The following TPD52L1 variants were observed in gnomAD, a reference collection of about 807,000 sequenced individuals.
The protein encoded by TPD52L1 is tumor protein D53.
A neutral mutation model predicts 28.7 loss-of-function variants in TPD52L1; 18 were observed. The observed-to-expected ratio is 0.63, with a 90% CI of 0.43 to 0.93. The LOEUF (loss-of-function observed/expected upper bound fraction) is 0.93, where lower values mean the gene tolerates loss of function less well. Ranked by LOEUF, TPD52L1 falls within the 40% of genes least tolerant of loss-of-function variation. The probability of loss-of-function intolerance (pLI) is 0.00; values close to 1 mark genes in which losing one functional copy is unlikely to be tolerated. For synonymous variants in TPD52L1, 75 were observed against 88.8 expected (o/e 0.84, Z 0.88); for missense variants, 203 against 254.8 (o/e 0.80, Z 1.39).
chr6:125,191,747 T>C (rs1218793120), intron 1 of TPD52L1, among the ~76,000 whole-genome samples: 1 of 152,218 alleles, frequency 6.6e-6, no homozygotes, highest in Non-Finnish European at 1.5e-5. Context: ...AACTGTGGAA[T>C]GTCTCCCTAT....
chr6:125,241,091 T>G (rs1796586164), intron 3 of TPD52L1, among the ~76,000 whole-genome samples: 1 of 152,154 alleles, frequency 6.6e-6, no homozygotes, highest in Non-Finnish European at 1.5e-5. Flanking sequence ...GATCATATGA[T>G]TTTTGTTTTT....
chr6:125,177,530 T>A (rs1357120665), intron 1 of TPD52L1, among the ~76,000 whole-genome samples: 5 of 152,302 alleles, frequency 3.3e-5, no homozygotes, highest in African/African-American at 1.2e-4. Context: ...TGAGCTAGTA[T>A]CTTATACATG....
At chr6:125,205,243 C>T (rs548977328) in intron 1 of TPD52L1, among the ~76,000 whole-genome samples, 1 of 152,300 alleles carries the variant, frequency 6.6e-6, no homozygotes, top group South Asian at 2.1e-4. Context: ...TATGATATGT[C>T]TCAAATATGC....
chr6:125,228,974 T>C lies in TPD52L1; in HGVS notation c.136-144T>C, dbSNP rs6927205. ...TACTTTGAGATATTAGACTATCATCTGTATGGGGTGTATTTGGCAAACCTA... is the reference window on the plus strand; with the variant it reads ...TACTTTGAGATATTAGACTATCATCCGTATGGGGTGTATTTGGCAAACCTA... On this transcript the variant is annotated intron_variant, in intron 2 of 6. Transcript: ENST00000534000. 6.1e-3 allele frequency: 3,806 copies of C among 619,498 alleles called. 122 individuals are homozygous for C. The African/African-American group carries it at 0.065, about 11-fold the overall frequency. The allele number at this position is 619,498 out of a possible 1,614,324, so 38.4% of individuals were successfully genotyped here. A position where few individuals can be genotyped will look rare whatever the true frequency, so the allele number is the denominator to read the frequency against.
chr6:125,237,477 A>T (rs188436760), intron 3 of TPD52L1, among the ~76,000 whole-genome samples: 20 of 152,286 alleles, frequency 1.3e-4, no homozygotes, highest in Non-Finnish European at 2.8e-4. Context: ...GTTAAAGATG[A>T]TGCTAGTCTC....
At chr6:125,204,334 G>T (rs999195581) in intron 1 of TPD52L1, among the ~76,000 whole-genome samples, 6 of 152,130 alleles carry the variant, frequency 3.9e-5, no homozygotes, top group African/African-American at 1.4e-4. Flanking sequence ...AGTAGAGCTG[G>T]TATACTGATG....
At chr6:125,228,992 C>T in intron 2 of TPD52L1, 126 bp from the exon 3 acceptor site, 1 of 951,100 alleles carries the variant, frequency 1.1e-6, no homozygotes, top group Non-Finnish European at 1.5e-6. Context: ...GTGTATTTGG[C>T]AAACCTACAC....
chr6:125,164,313 T>C (rs1000538557), intron 1 of TPD52L1, among the ~76,000 whole-genome samples: 5 of 152,200 alleles, frequency 3.3e-5, no homozygotes, highest in African/African-American at 1.2e-4. Flanking sequence ...CCTTGCGACA[T>C]GTCAAGTTGC....
rs765026723 is a variant in TPD52L1, at chr6:125,262,643, A to G, written c.487-191A>G. 5 of 698,654 alleles carry G rather than the reference A, an allele frequency of 7.2e-6. No homozygotes were observed. The South Asian group carries it at 8.9e-5, about 12-fold the overall frequency. The allele number at this position is 698,654 out of a possible 1,614,324, so 43.3% of individuals were successfully genotyped here. A position where few individuals can be genotyped will look rare whatever the true frequency, so the allele number is the denominator to read the frequency against. Reference sequence around the variant, plus strand: ...GTGCAAAATTAAAGTTTGGAATCCTATCCGAGAACCCAAGTATGAATAATA... The same window carrying G: ...GTGCAAAATTAAAGTTTGGAATCCTGTCCGAGAACCCAAGTATGAATAATA... On this transcript the variant is annotated intron_variant, in intron 6 of 6. Coordinates refer to ENST00000534000, the MANE Select transcript of TPD52L1 (RefSeq NM_003287.4).
chr6:125,241,319 G>A (rs935271427), intron 3 of TPD52L1, among the ~76,000 whole-genome samples: 1 of 151,804 alleles, frequency 6.6e-6, no homozygotes, highest in Non-Finnish European at 1.5e-5. Flanking sequence ...CATTACATTT[G>A]GTGATACCAG....
intron 1 of TPD52L1, among the ~76,000 whole-genome samples, chr6:125,177,966 A>C (rs1400738370): frequency 6.6e-6 from 1 of 152,158 alleles, no homozygotes; most frequent in Non-Finnish European, 1.5e-5. Context: ...TGAATCTAAA[A>C]ATTCTCTTTA....
At chr6:125,204,539 G>T (rs1793991721) in intron 1 of TPD52L1, among the ~76,000 whole-genome samples, 1 of 151,962 alleles carries the variant, frequency 6.6e-6, no homozygotes, top group African/African-American at 2.4e-5. Context: ...GAGTGCAGTG[G>T]GGCGATCTCG....
At chr6:125,252,209 C>A in intron 4 of TPD52L1, 1 of 632,758 alleles carries the variant, frequency 1.6e-6, no homozygotes, top group Non-Finnish European at 2.7e-6. Flanking sequence ...TACATTTGAA[C>A]TTATTGAAGT....
chr6:125,163,297 A>G (rs1018865446), intron 1 of TPD52L1, among the ~76,000 whole-genome samples: 1 of 152,198 alleles, frequency 6.6e-6, no homozygotes, highest in Admixed American at 6.5e-5. Flanking sequence ...CACTTTTTTA[A>G]AAAGCATGTT....
intron 3 of TPD52L1, among the ~76,000 whole-genome samples, chr6:125,244,670 A>G (rs1796814138): frequency 6.6e-6 from 1 of 152,164 alleles, no homozygotes; most frequent in Non-Finnish European, 1.5e-5. Context: ...AAGGCTGTCT[A>G]TAGGTGCCTC....
intron 1 of TPD52L1, among the ~76,000 whole-genome samples, chr6:125,217,424 A>G (rs1418842611): frequency 6.6e-6 from 1 of 152,202 alleles, no homozygotes; most frequent in Non-Finnish European, 1.5e-5. Context: ...ACAGATCATC[A>G]GGCACTAGAT....
intron 5 of TPD52L1, among the ~76,000 whole-genome samples, chr6:125,256,014 TATGTATAG>T (rs1336042266): frequency 6.6e-6 from 1 of 152,112 alleles, no homozygotes; most frequent in East Asian, 1.9e-4. Context: ...GCAACAAAAT[TATGTATAG>T]ATTATTTAAT....
intron 1 of TPD52L1, among the ~76,000 whole-genome samples, chr6:125,159,548 T>C (rs1261907126): frequency 1.3e-5 from 2 of 152,190 alleles, no homozygotes; most frequent in Non-Finnish European, 2.9e-5. Context: ...CAAACTCCTG[T>C]TAATGTTGAT....
intron 1 of TPD52L1, among the ~76,000 whole-genome samples, chr6:125,166,165 C>A (rs1274042026): frequency 6.6e-6 from 1 of 152,086 alleles, no homozygotes; most frequent in Non-Finnish European, 1.5e-5. Context: ...AAAGAAAAAG[C>A]CAATTTGGGA....
Sources: gnomAD v4.1 joint callset for allele counts (sites outside exome capture counted in the v4.1 genomes callset) on GRCh38, gnomAD v4.1.1 for gene constraint, MANE v1.5 for transcripts, NCBI Gene and HGNC (gene_info 2026-07-23, HGNC 2026-07-21) for gene names.